The following PAPPA variants were observed in gnomAD, a reference collection of about 807,000 sequenced individuals.
The protein encoded by PAPPA is pappalysin-1.
PAPPA carries 60 observed loss-of-function variants against 164.0 expected under a neutral mutation model. The ratio of observed to expected loss-of-function variants is 0.37; its 90% CI spans 0.30 to 0.45. The LOEUF is 0.45. PAPPA is among the 20% of genes least tolerant of loss of function. The pLI, the probability that PAPPA is intolerant of heterozygous loss-of-function variation, is 1.00. For synonymous variants in PAPPA, 875 were observed against 814.1 expected (o/e 1.07, Z -1.27); for missense variants, 1,782 against 2,087.3 (o/e 0.85, Z 2.85).
At chr9:116,285,014 T>G (rs753115886) in intron 9 of PAPPA, among the ~76,000 whole-genome samples, 1 of 152,112 alleles carries the variant, frequency 6.6e-6, no homozygotes, top group Admixed American at 6.6e-5. Context: ...CACCTTTTGT[T>G]GCTCTCCAAT....
chr9:116,232,249 C>T (rs927339332), intron 6 of PAPPA, among the ~76,000 whole-genome samples: 2 of 152,154 alleles, frequency 1.3e-5, no homozygotes, highest in African/African-American at 4.8e-5. Context: ...ACCATAGTAA[C>T]CTTAACTTAC....
intron 7 of PAPPA, among the ~76,000 whole-genome samples, chr9:116,256,237 G>A (rs1268568789): frequency 6.6e-6 from 1 of 151,702 alleles, no homozygotes; most frequent in East Asian, 1.9e-4. Flanking sequence ...TTGGTGAGAA[G>A]TATACAAATT....
chr9:116,391,655 C>T (rs963766478), intron 21 of PAPPA, among the ~76,000 whole-genome samples: 7 of 152,234 alleles, frequency 4.6e-5, no homozygotes, highest in Admixed American at 2.0e-4. Context: ...ACCCATGTGC[C>T]GGAGCACCAT....
In PAPPA at chr9:116,237,722, T is replaced by C. The variant is rs370204064; in HGVS notation, c.2732+2085T>C. Among the ~76,000 whole-genome samples, 104 of 148,264 alleles carry C rather than the reference T, an allele frequency of 7.0e-4. No individual in the cohort carries two copies. The Middle Eastern group carries it at 0.017, about 25-fold the overall frequency. ...ACTGGATTAATTCTTCTCTCTCTCT[T>C]TTTTTTTTTTTCTTTCCAAGACAGT... On this transcript the variant is annotated intron_variant, in intron 7 of 21. Coordinates refer to ENST00000328252, the MANE Select transcript of PAPPA (RefSeq NM_002581.5).
intron 10 of PAPPA, chr9:116,318,673 C>T (rs1782581662): frequency 1.3e-5 from 2 of 152,242 alleles, no homozygotes; most frequent in Admixed American, 1.3e-4. Flanking sequence ...TGTTCCTCCT[C>T]TGCAGCAAGA....
chr9:116,347,710 C>T lies in PAPPA; in HGVS notation c.3964+501C>T, dbSNP rs1274638873. Among the ~76,000 whole-genome samples, 1 of 152,138 alleles carries T rather than the reference C, an allele frequency of 6.6e-6. No individual in the cohort carries two copies. The highest frequency in any genetic ancestry group is 1.9e-4 in the East Asian group (1 of 5,188). ...AACCCAGGTCTGTTGTTCTCCAATG[C>T]TGGCTGCCACTCATTAAGAGGGGCC... On this transcript the variant is annotated intron_variant, in intron 15 of 21. Coordinates refer to ENST00000328252, the MANE Select transcript of PAPPA (RefSeq NM_002581.5). The surrounding 1 kb of genome is among the most constrained non-coding windows in gnomAD (Gnocchi z 4.5).
At chr9:116,390,927 T>C (rs1296137737) in intron 21 of PAPPA, among the ~76,000 whole-genome samples, 1 of 152,234 alleles carries the variant, frequency 6.6e-6, no homozygotes, top group Non-Finnish European at 1.5e-5. Flanking sequence ...CCATGCATTA[T>C]TCTAATGCTT....
chr9:116,334,132 G>A (rs1327237985), intron 12 of PAPPA, among the ~76,000 whole-genome samples: 1 of 151,102 alleles, frequency 6.6e-6, no homozygotes, highest in East Asian at 2.0e-4. Flanking sequence ...CTTCTGTTTT[G>A]CTAATTCCAT....
chr9:116,375,791 TG>T (rs1846641480), intron 19 of PAPPA, among the ~76,000 whole-genome samples: 1 of 152,194 alleles, frequency 6.6e-6, no homozygotes, highest in Non-Finnish European at 1.5e-5. Flanking sequence ...TTCCACATTT[TG>T]GCCCAGGTGA....
rs775235148 is a variant in PAPPA, at chr9:116,350,301, C to T, written c.3965-2405C>T. Among the ~76,000 whole-genome samples the T allele has an allele frequency of 2.9e-4, 44 of 152,264 alleles. No homozygotes were observed. In the Middle Eastern group the frequency reaches 0.01, roughly 35 times the overall value. On this transcript the variant is annotated intron_variant, in intron 15 of 21. Coordinates refer to ENST00000328252, the MANE Select transcript of PAPPA (RefSeq NM_002581.5). ...ACGAAGGGCACATCATGTATCATAC[C>T]CTACTTTCTTCAAAGCCACATTGTA...
At chr9:116,218,534 T>C (rs558709238) in intron 4 of PAPPA, among the ~76,000 whole-genome samples, 1 of 152,206 alleles carries the variant, frequency 6.6e-6, no homozygotes, top group South Asian at 2.1e-4. Context: ...TGAATAAAAC[T>C]GTTGGAGGGA....
intron 10 of PAPPA, among the ~76,000 whole-genome samples, chr9:116,317,895 C>A (rs1483580711): frequency 1.3e-5 from 2 of 152,204 alleles, no homozygotes; most frequent in Non-Finnish European, 2.9e-5. Context: ...ATCTAGAATT[C>A]ATGACATTTC....
At chr9:116,273,369 C>G (rs987410563) in intron 9 of PAPPA, among the ~76,000 whole-genome samples, 7 of 152,202 alleles carry the variant, frequency 4.6e-5, no homozygotes, top group African/African-American at 1.7e-4. Flanking sequence ...AACACAGTCA[C>G]ACTCATTTGC....
At chr9:116,268,150 A>T (rs540945569) in intron 8 of PAPPA, among the ~76,000 whole-genome samples, 3 of 152,348 alleles carry the variant, frequency 2.0e-5, no homozygotes, top group Non-Finnish European at 4.4e-5. Flanking sequence ...GGTGCAAATC[A>T]GCTGATTGCC....
chr9:116,180,457 A>T (rs1450231487), intron 1 of PAPPA, among the ~76,000 whole-genome samples: 1 of 152,198 alleles, frequency 6.6e-6, no homozygotes, highest in Non-Finnish European at 1.5e-5. Flanking sequence ...TCAAAAGAAT[A>T]CTAATAAATC....
At chr9:116,225,297 C>T (rs1302168500) in intron 5 of PAPPA, among the ~76,000 whole-genome samples, 2 of 152,184 alleles carry the variant, frequency 1.3e-5, no homozygotes, top group Admixed American at 1.3e-4. Flanking sequence ...GCCTTTCTCT[C>T]CACTCCTACT....
At chr9:116,285,445 A>T (rs934884621) in intron 9 of PAPPA, among the ~76,000 whole-genome samples, 6 of 151,812 alleles carry the variant, frequency 4.0e-5, no homozygotes, top group Non-Finnish European at 7.4e-5. Flanking sequence ...TTATACTCCA[A>T]TACCATCTTG....
chr9:116,281,423 T>G (rs990374839), intron 9 of PAPPA, among the ~76,000 whole-genome samples: 5 of 152,136 alleles, frequency 3.3e-5, no homozygotes, highest in Non-Finnish European at 7.4e-5. Context: ...TCCCTTACCC[T>G]TAAGGGAAGA....
At chr9:116,336,043 T>C (rs2118958912) in intron 13 of PAPPA, among the ~76,000 whole-genome samples, 1 of 152,338 alleles carries the variant, frequency 6.6e-6, no homozygotes, top group Non-Finnish European at 1.5e-5. Flanking sequence ...CTCATGCATC[T>C]GACATGTCCA....
Sources: gnomAD v4.1 joint callset for allele counts (sites outside exome capture counted in the v4.1 genomes callset) on GRCh38, gnomAD v4.1.1 for gene constraint, Gnocchi (gnomAD v3.1) non-coding constraint, MANE v1.5 for transcripts, NCBI Gene and HGNC (gene_info 2026-07-23, HGNC 2026-07-21) for gene names.